Variants in GRID2IP observed in about 807,000 individuals in gnomAD.
The protein encoded by GRID2IP is delphilin.
Under a neutral mutation model 114.3 loss-of-function variants are expected in GRID2IP, and 78 were observed. That is an observed-to-expected ratio of 0.68 (90% CI 0.57 to 0.82). The LOEUF (loss-of-function observed/expected upper bound fraction) is 0.82, where lower values mean the gene tolerates loss of function less well. Among genes scored for constraint, GRID2IP ranks in the 40% least tolerant of loss-of-function variants. GRID2IP has a pLI of 0.00. For missense variants in GRID2IP, 1,727 were observed against 1,678.5 expected (o/e 1.03, Z -0.51); for synonymous variants, 809 against 724.0 (o/e 1.12, Z -1.89).
At position 6,508,358 on chromosome 7, in the gene GRID2IP, C is replaced by T. The variant is rs766640636; in HGVS notation, c.2171G>A (p.Arg724Gln). 3.2e-5 allele frequency: 50 copies of T among 1,551,434 alleles called. 1 individual carries two copies. The highest frequency in any genetic ancestry group is 9.8e-5 in the Admixed American group (5 of 50,964). ...DDQGSFVTNE[R>Q]SSASDCISSS... ...GCTGATGCAGTCGCTGGCGCTGCTC[C>T]GCTCATTGGTTACGAAGCTGCCCTG... is the stretch of plus-strand genomic sequence containing the variant. The change falls in exon 13 of 22, where the codon CGG becomes CAG. Residue 724 changes from arginine to glutamine, a missense_variant. Coordinates refer to ENST00000457091, the MANE Select transcript of GRID2IP (RefSeq NM_001145118.2). This position sits in a 1 kb window ranked among gnomAD's most constrained non-coding sequence, Gnocchi z 5.6.
rs1478039955 is a variant in GRID2IP at position 6,551,061 on chromosome 7, G to A, written c.376C>T (p.Pro126Ser). 1 of 1,316,178 alleles carries A rather than the reference G, an allele frequency of 7.6e-7. No individual in the cohort carries two copies. The highest frequency in any genetic ancestry group is 9.7e-7 in the Non-Finnish European group (1 of 1,036,260). The allele number at this position is 1,316,178 out of a possible 1,614,324, so 81.5% of individuals were successfully genotyped here. A position where few individuals can be genotyped will look rare whatever the true frequency, so the allele number is the denominator to read the frequency against. ...ELLRLAGRKR[P>S]DAVHRERRRK... ...CTGCGCTCTCGGTGCACCGCGTCCG[G>A]GCGCTTGCGGCCGGCCAGGCGAAGC... Residue 126 changes from proline (P) to serine (S), a missense_variant, in exon 1 of 22, where the codon CCG (proline) becomes TCG (serine). Physicochemically the swap from Pro to Ser is moderately conservative, Grantham distance 74. Coordinates refer to ENST00000457091, the MANE Select transcript of GRID2IP (RefSeq NM_001145118.2).
At chr7:6,502,951 G>A (rs1786458355) in intron 17 of GRID2IP, 57 bp downstream of exon 17, 1 of 1,546,204 alleles carries the variant, frequency 6.5e-7, no homozygotes, top group Non-Finnish European at 8.8e-7. Context: ...CCTCCAGGCT[G>A]GAAGCCCCAG....
chr7:6,546,000 A>G (rs899686698), intron 1 of GRID2IP, among the ~76,000 whole-genome samples: 1 of 152,086 alleles, frequency 6.6e-6, no homozygotes, highest in Non-Finnish European at 1.5e-5. Flanking sequence ...CCCGTGCTAC[A>G]GTGCGGTTTC....
In GRID2IP at chr7:6,508,457, G is replaced by A. The variant is rs893993343; in HGVS notation, c.2128-56C>T. On this transcript the variant is annotated intron_variant, in intron 12 of 21. Transcript: ENST00000457091. The surrounding 1 kb of genome is among the most constrained non-coding windows in gnomAD (Gnocchi z 5.6). ...TGAGGCTGGGCCCAGAGAGACTAGA[G>A]CAGGTGCAAAGTGAAGGATCATGGG... The A allele has an allele frequency of 6.5e-7, 1 of 1,547,858 alleles. No individual in the cohort carries two copies.
rs372893893 is a variant in GRID2IP, at chr7:6,517,292, C to T, written c.1269-2763G>A. ...CAGGATGGTCTCGATCTCCTGACCTCGTGATCTGCCCATCTCAGCCTCCCA... is the reference window on the plus strand; with the variant it reads ...CAGGATGGTCTCGATCTCCTGACCTTGTGATCTGCCCATCTCAGCCTCCCA... On this transcript the variant is annotated intron_variant, in intron 7 of 21. Coordinates refer to ENST00000457091, the MANE Select transcript of GRID2IP (RefSeq NM_001145118.2). 3.2e-4 allele frequency among the ~76,000 whole-genome samples: 48 copies of T among 151,894 alleles called. 3 individuals carry two copies. Among genetic ancestry groups the T allele is most frequent in the Admixed American group, 1.8e-3 (28 of 15,212 alleles).
Position 6,501,834 on chromosome 7 carries a change from C to A in GRID2IP, c.3346G>T (p.Ala1116Ser), listed in dbSNP as rs753679709. Residue 1116 changes from alanine to serine, a missense_variant, in exon 20 of 22, where the codon GCC becomes TCC. By Grantham distance (99) the Ala-to-Ser change is moderately conservative (BLOSUM62 1). Coordinates refer to ENST00000457091, the MANE Select transcript of GRID2IP (RefSeq NM_001145118.2). The part of the protein sequence containing the change: ...LHGTISEIQD[A>S]CQSISPSSED... ...CTAGAGGGGGAAATGCTCTGGCAGG[C>A]ATCCTGTATCTCGCTGATAGTGCCA... is the stretch of plus-strand genomic sequence containing the variant. 3 of 1,551,580 alleles carry A rather than the reference C, an allele frequency of 1.9e-6. No individual in the cohort carries two copies. The highest frequency in any genetic ancestry group is 2.6e-6 in the Non-Finnish European group (3 of 1,146,988).
chr7:6,506,606 C>T lies in GRID2IP; in HGVS notation c.2545-699G>A, dbSNP rs1220603198. On this transcript the variant is annotated intron_variant, in intron 13 of 21. Transcript: ENST00000457091. This position sits in a 1 kb window ranked among gnomAD's most constrained non-coding sequence, Gnocchi z 5.2. ...ACGCTGTGGAGCAATACTTGAAGAT[C>T]GGTCCAAGGCTGGCAGGAGTGAGGT... 3.3e-5 allele frequency among the ~76,000 whole-genome samples: 5 copies of T among 151,590 alleles called. No individual in the cohort carries two copies. Among genetic ancestry groups the T allele is most frequent in the Non-Finnish European group, 5.9e-5 (4 of 67,958 alleles).
chr7:6,513,452 T>G (rs186817159), intron 8 of GRID2IP, among the ~76,000 whole-genome samples: 6 of 151,596 alleles, frequency 4.0e-5, no homozygotes, highest in Admixed American at 3.3e-4. Flanking sequence ...GCTCCTGAGC[T>G]CAAGTGATGC....
rs1217983291 is a variant in GRID2IP, at chr7:6,551,447, C to A, written c.-11G>T. ...GGCAGTGGTGGCCATGCACCTAGAA[C>A]TGGAGACAGAACAGGGATTTCCTTG... On this transcript the variant is annotated 5_prime_UTR_variant, in exon 1 of 22. Transcript: ENST00000457091. 2.6e-6 allele frequency: 4 copies of A among 1,538,548 alleles called. No individual in the cohort carries two copies. In the African/African-American group the frequency reaches 5.6e-5, roughly 21 times the overall value.
chr7:6,510,671 T>G lies in GRID2IP; in HGVS notation c.1591A>C (p.Ile531Leu). The G allele has an allele frequency of 6.5e-7, 1 of 1,542,678 alleles. No individual in the cohort carries two copies. The highest frequency in any genetic ancestry group is 8.7e-7 in the Non-Finnish European group (1 of 1,144,296). ...SECPEMPLPL[I>L]PGERQAGDGT... is the part of the protein sequence containing the mutation. Reference sequence around the variant, plus strand: ...TCGCCTGCCTGGCGCTCGCCTGGGATCAGGGGAAGAGGCATCTCAGGGCAC... The same window carrying G: ...TCGCCTGCCTGGCGCTCGCCTGGGAGCAGGGGAAGAGGCATCTCAGGGCAC... Residue 531 changes from isoleucine to leucine, a missense_variant, in exon 10 of 22, where the codon ATC (isoleucine) becomes CTC (leucine). Ile to Leu is a conservative substitution (Grantham distance 5, BLOSUM62 2). Coordinates refer to ENST00000457091, the MANE Select transcript of GRID2IP (RefSeq NM_001145118.2).
In GRID2IP at chr7:6,526,427, G is replaced by A. The variant is rs6963846; in HGVS notation, c.833+94C>T. On this transcript the variant is annotated intron_variant, in intron 3 of 21. Transcript: ENST00000457091. This position sits in a 1 kb window ranked among gnomAD's most constrained non-coding sequence, Gnocchi z 7.6. Reference sequence around the variant, plus strand: ...CTCCGGCCCCCTATGCACCCCAGATGCCCAGCCCCGCCCCTACGCCCTCTC... The same window carrying A: ...CTCCGGCCCCCTATGCACCCCAGATACCCAGCCCCGCCCCTACGCCCTCTC... The A allele has an allele frequency of 2.5e-3, 3,738 of 1,492,750 alleles. 52 individuals carry two copies. The African/African-American group carries it at 0.042, about 17-fold the overall frequency. The allele number at this position is 1,492,750 out of a possible 1,614,324, so 92.5% of individuals were successfully genotyped here.
At chr7:6,513,629 A>T (rs1779224364) in intron 8 of GRID2IP, among the ~76,000 whole-genome samples, 1 of 152,160 alleles carries the variant, frequency 6.6e-6, no homozygotes. Context: ...GGTTAGGTGC[A>T]GTGTCTAAAG....
chr7:6,527,703 A>T (rs1369751905), intron 2 of GRID2IP, among the ~76,000 whole-genome samples: 1 of 151,578 alleles, frequency 6.6e-6, no homozygotes, highest in Non-Finnish European at 1.5e-5. Context: ...GTCTCAAGGG[A>T]TCCTCCTGCC....
intron 2 of GRID2IP, among the ~76,000 whole-genome samples, chr7:6,539,421 C>G (rs1245092944): frequency 6.6e-6 from 1 of 152,188 alleles, no homozygotes; most frequent in Non-Finnish European, 1.5e-5. Flanking sequence ...GCCACCATGC[C>G]TGGCCAAGGT....
At chr7:6,531,025 G>A (rs1420490061) in intron 2 of GRID2IP, 1 of 645,492 alleles carries the variant, frequency 1.5e-6, no homozygotes, top group South Asian at 1.6e-5. Flanking sequence ...TGGCGCAGAG[G>A]GCGCACGGTT....
Position 6,497,496 on chromosome 7 carries a change from A to C in GRID2IP, c.*278T>G. The C allele has an allele frequency of 2.9e-6, 1 of 341,094 alleles. No homozygotes were observed. The highest frequency in any genetic ancestry group is 5.3e-6 in the Non-Finnish European group (1 of 187,382). The allele number at this position is 341,094 out of a possible 1,614,324, so 21.1% of individuals were successfully genotyped here. ...GGCCCCCCTGACAGCCTGGGAGCGAAGTGGGAAGTGGGCCCAAGAAGCCGA... is the reference window on the plus strand; with the variant it reads ...GGCCCCCCTGACAGCCTGGGAGCGACGTGGGAAGTGGGCCCAAGAAGCCGA... On this transcript the variant is annotated 3_prime_UTR_variant, in exon 22 of 22. Transcript: ENST00000457091.
At position 6,521,396 on chromosome 7, in the gene GRID2IP, GC is replaced by G. The variant is rs1221433087; in HGVS notation, c.1084+32del. Reference sequence around the variant, plus strand: ...AGCAGCCTGGGCAGGGTCTCTGGGGGCCAAGGAAGCCAAGTGTCCATGGGGG... The same window carrying G: ...AGCAGCCTGGGCAGGGTCTCTGGGGGCAAGGAAGCCAAGTGTCCATGGGGG... On this transcript the variant is annotated intron_variant, in intron 6 of 21. Transcript: ENST00000457091. This position sits in a 1 kb window ranked among gnomAD's most constrained non-coding sequence, Gnocchi z 4.1. 1 of 1,447,224 alleles carries G rather than the reference GC, an allele frequency of 6.9e-7. No individual in the cohort carries two copies. The highest frequency in any genetic ancestry group is 9.4e-7 in the Non-Finnish European group (1 of 1,069,512). The allele number at this position is 1,447,224 out of a possible 1,614,324, so 89.6% of individuals were successfully genotyped here.
chr7:6,498,294 G>C (rs1302106447), intron 20 of GRID2IP, 66 bp from the exon 21 acceptor site: 3 of 1,419,144 alleles, frequency 2.1e-6, no homozygotes, highest in Admixed American at 2.5e-5. Context: ...GTGGTGGCCC[G>C]ACAGACAGGT....
In GRID2IP at chr7:6,528,456, G is replaced by A. The variant is rs1026604415; in HGVS notation, c.585-1687C>T. 2.4e-4 allele frequency among the ~76,000 whole-genome samples: 36 copies of A among 152,158 alleles called. No individual in the cohort carries two copies. Among genetic ancestry groups the A allele is most frequent in the East Asian group, 3.9e-4 (2 of 5,182 alleles). On this transcript the variant is annotated intron_variant, in intron 2 of 21. Transcript: ENST00000457091. This position sits in a 1 kb window ranked among gnomAD's most constrained non-coding sequence, Gnocchi z 6.0. ...CTGGCATCAGAGAACAGACTTCAGC[G>A]CTCAGCACTGTGGCAGGACCTCTAA... is the stretch of plus-strand genomic sequence containing the variant.
Sources: allele counts gnomAD v4.1 joint callset (sites outside exome capture counted in the v4.1 genomes callset), GRCh38; gene constraint gnomAD v4.1.1; non-coding constraint Gnocchi (gnomAD v3.1); transcripts MANE v1.5; gene names NCBI Gene and HGNC (gene_info 2026-07-23, HGNC 2026-07-21).